GNL3L: variants seen among roughly 807,000 people sequenced by gnomAD.
GNL3L encodes G protein nucleolar 3 like.
GNL3L carries 4 observed loss-of-function variants against 42.9 expected under a neutral mutation model. That is an observed-to-expected ratio of 0.09 (90% CI 0.05 to 0.21). The LOEUF (loss-of-function observed/expected upper bound fraction) is 0.21. Ranked by LOEUF, GNL3L falls within the 10% of genes least tolerant of loss-of-function variation. The probability of loss-of-function intolerance (pLI) is 1.00; values close to 1 mark genes in which losing one functional copy is unlikely to be tolerated. For missense variants in GNL3L, 412 were observed against 481.7 expected, an observed-to-expected ratio of 0.86 and a Z score of 1.36; for synonymous variants, 159 against 176.3, an observed-to-expected ratio of 0.90 and a Z score of 0.78.
At chrX:54,639,569 C>T in the GNL3L span, among the ~76,000 whole-genome samples, 1 of 112,143 alleles carries the variant, frequency 8.9e-6, no homozygotes. Context: ...CAATGGCGAG[C>T]AAGCGGTCGT....
chrX:54,552,554 C>T, intron 13 of GNL3L, 126 bp downstream of exon 13: 1 of 553,158 alleles, frequency 1.8e-6, no homozygotes, highest in East Asian at 3.7e-5. Context: ...GTTGCTTAAG[C>T]AGCTTCAGGC....
At chrX:54,552,464 A>C in intron 13 of GNL3L, 36 bp downstream of exon 13, 1 of 1,177,838 alleles carries the variant, frequency 8.5e-7, no homozygotes, top group Middle Eastern at 2.4e-4. Context: ...TTGGTCTTGC[A>C]CTAGTGGGGC....
intron 2 of GNL3L, among the ~76,000 whole-genome samples, chrX:54,534,136 T>A (rs560028516): frequency 1.0e-5 from 1 of 100,158 alleles, no homozygotes; most frequent in South Asian, 4.2e-4. Context: ...CCATCTTGGC[T>A]TCCCAAAGTG....
intron 7 of GNL3L, 41 bp downstream of exon 7, chrX:54,543,383 C>T (rs912525247): frequency 1.5e-5 from 18 of 1,186,432 alleles, no homozygotes; most frequent in Non-Finnish European, 1.9e-5. Context: ...GGAAGGTGGG[C>T]AGGCCATCTT....
chrX:54,633,328 G>A, the GNL3L span, among the ~76,000 whole-genome samples: 2 of 111,803 alleles, frequency 1.8e-5, no homozygotes, highest in Admixed American at 9.5e-5. Flanking sequence ...TCTGTTATGA[G>A]TTGCTTTAAC....
intron 16 of GNL3L, among the ~76,000 whole-genome samples, chrX:54,579,451 G>T (rs1035850074): frequency 2.7e-5 from 3 of 112,156 alleles, no homozygotes; most frequent in African/African-American, 9.7e-5. Flanking sequence ...GCCCAGGCTG[G>T]AGTACAGTGG....
intron 16 of GNL3L, among the ~76,000 whole-genome samples, chrX:54,581,950 A>T (rs991252787): frequency 8.9e-6 from 1 of 111,951 alleles, no homozygotes; most frequent in African/African-American, 3.2e-5. Context: ...TTTCTGAGTT[A>T]TGTAGGAGTA....
At position 54,572,462 on chromosome X, in the gene GNL3L, C is replaced by G. The variant is rs761282766; in HGVS notation, c.*45+11815C>G. Among the ~76,000 whole-genome samples, 627 of 111,861 alleles carry G rather than the reference C, an allele frequency of 5.6e-3. 9 individuals are homozygous for G. Among genetic ancestry groups the G allele is most frequent in the Admixed American group, 0.053 (561 of 10,558 alleles). Reference sequence around the variant, plus strand: ...CTCAATCTTTTCCCCACCTTTCCCCCCTTTCTATTCCACAAAGCCGCCATT... The same window carrying G: ...CTCAATCTTTTCCCCACCTTTCCCCGCTTTCTATTCCACAAAGCCGCCATT... On this transcript the variant is annotated intron_variant, in intron 16 of 16. Coordinates refer to the GNL3L transcript ENST00000674498.
intron 16 of GNL3L, among the ~76,000 whole-genome samples, chrX:54,595,394 A>C (rs1210532704): frequency 1.8e-5 from 2 of 111,982 alleles, no homozygotes; most frequent in Non-Finnish European, 3.8e-5. Context: ...GTTTCCACTG[A>C]AAAGTCTACT....
intron 16 of GNL3L, among the ~76,000 whole-genome samples, chrX:54,601,371 A>G (rs28853084): frequency 0.12 from 13,613 of 111,517 alleles, 1,248 homozygotes; most frequent in African/African-American, 0.32. Flanking sequence ...TTATATTTCA[A>G]TAAGGGTTTA....
At chrX:54,537,757 A>G (rs1042861483) in intron 2 of GNL3L, among the ~76,000 whole-genome samples, 1 of 110,307 alleles carries the variant, frequency 9.1e-6, no homozygotes, top group East Asian at 2.9e-4. Context: ...TTAAGTTTTG[A>G]CTGTTAAAGC....
the GNL3L span, among the ~76,000 whole-genome samples, chrX:54,632,142 GTT>G: frequency 8.9e-6 from 1 of 111,973 alleles, no homozygotes; most frequent in Non-Finnish European, 1.9e-5. Context: ...AAAATCTGCT[GTT>G]AATCTGATAG....
At chrX:54,604,327 C>G (rs1926034590) in intron 16 of GNL3L, among the ~76,000 whole-genome samples, 2 of 111,534 alleles carry the variant, frequency 1.8e-5, no homozygotes, top group African/African-American at 6.5e-5. Flanking sequence ...AAAATCATAT[C>G]AAGTCATTTG....
chrX:54,573,599 C>T (rs996220959), intron 16 of GNL3L, among the ~76,000 whole-genome samples: 5 of 111,180 alleles, frequency 4.5e-5, no homozygotes, highest in African/African-American at 1.6e-4. Flanking sequence ...CCTTCAAGTT[C>T]ACAAATATTT....
chrX:54,588,645 T>C lies in GNL3L; in HGVS notation c.*45+27998T>C, dbSNP rs887203903. Among the ~76,000 whole-genome samples, 125 of 110,330 alleles carry C rather than the reference T, an allele frequency of 1.1e-3. 1 individual carries two copies. The highest frequency in any genetic ancestry group is 3.8e-3 in the African/African-American group (115 of 30,405). ...TTCGAGACCAGCCTGGCCAATGTGGTGAAACCCTGTCTCTACTAAAAATAC... is the reference window on the plus strand; with the variant it reads ...TTCGAGACCAGCCTGGCCAATGTGGCGAAACCCTGTCTCTACTAAAAATAC... On this transcript the variant is annotated intron_variant, in intron 16 of 16. Transcript: ENST00000674498.
At chrX:54,632,216 C>G in the GNL3L span, among the ~76,000 whole-genome samples, 3 of 111,452 alleles carry the variant, frequency 2.7e-5, no homozygotes, top group Non-Finnish European at 5.7e-5. Flanking sequence ...TTTCCTTCAT[C>G]TTGACTTTAG....
intron 16 of GNL3L, among the ~76,000 whole-genome samples, chrX:54,610,946 T>C (rs753501637): frequency 1.8e-5 from 2 of 111,841 alleles, no homozygotes; most frequent in South Asian, 7.4e-4. Flanking sequence ...GAATGTTTGG[T>C]AGAATTCTGC....
rs1312323271 is a variant in GNL3L at position 54,563,251 on chromosome X, G to A, written c.*2649G>A. 9.0e-6 allele frequency among the ~76,000 whole-genome samples: 1 copy of A among 111,410 alleles called. No homozygotes were observed. Among genetic ancestry groups the A allele is most frequent in the Non-Finnish European group, 1.9e-5 (1 of 53,162 alleles). ...CCCGACTTTTGGTGGTTTGATGTGGGATTTTTGGTGGAAAAGCAGTATACA... is the reference window on the plus strand; with the variant it reads ...CCCGACTTTTGGTGGTTTGATGTGGAATTTTTGGTGGAAAAGCAGTATACA... On this transcript the variant is annotated 3_prime_UTR_variant, in exon 16 of 16. Transcript: ENST00000360845.
chrX:54,590,817 T>TTC (rs1557199465), intron 16 of GNL3L, among the ~76,000 whole-genome samples: 1 of 110,351 alleles, frequency 9.1e-6, no homozygotes. Flanking sequence ...TTTATTTATT[T>TTC]ATTCATTCAT....
Sources: gnomAD v4.1 joint callset for allele counts (sites outside exome capture counted in the v4.1 genomes callset) on GRCh38, gnomAD v4.1.1 for gene constraint, MANE v1.5 for transcripts, NCBI Gene and HGNC (gene_info 2026-07-23, HGNC 2026-07-21) for gene names.